The following AKR1C2 variants were observed in gnomAD, a reference collection of about 807,000 sequenced individuals.
AKR1C2 encodes the protein 3-alpha-HSD3.
A neutral mutation model predicts 39.8 loss-of-function variants in AKR1C2; 27 were observed. The ratio of observed to expected loss-of-function variants is 0.68; its 90% CI spans 0.50 to 0.93. The LOEUF is 0.93. Ranked by LOEUF, AKR1C2 falls within the 40% of genes least tolerant of loss-of-function variation. AKR1C2 has a pLI of 0.00. For synonymous variants in AKR1C2, 114 were observed against 137.9 expected, an observed-to-expected ratio of 0.83 and a Z score of 1.22; for missense variants, 263 against 365.1, an observed-to-expected ratio of 0.72 and a Z score of 2.28.
At chr10:5,017,123 C>G (rs1464107483) in intron 1 of AKR1C2, among the ~76,000 whole-genome samples, 1 of 152,210 alleles carries the variant, frequency 6.6e-6, no homozygotes, top group African/African-American at 2.4e-5. Flanking sequence ...TTGAAGGTCT[C>G]TGAAATACCT....
intron 1 of AKR1C2, among the ~76,000 whole-genome samples, chr10:5,012,306 A>G (rs1837540605): frequency 6.6e-6 from 1 of 151,970 alleles, no homozygotes; most frequent in African/African-American, 2.4e-5. Context: ...CTGCCCTGCC[A>G]ATAACTCATG....
intron 1 of AKR1C2, among the ~76,000 whole-genome samples, chr10:5,015,637 G>T (rs1171350803): frequency 6.6e-6 from 1 of 152,124 alleles, no homozygotes; most frequent in African/African-American, 2.4e-5. Context: ...ACAATGTAAG[G>T]TGTTGCAAAC....
At chr10:5,001,813 C>A in intron 1 of AKR1C2, 132 bp from the exon 2 acceptor site, 1 of 1,209,160 alleles carries the variant, frequency 8.3e-7, no homozygotes, top group South Asian at 1.4e-5. Context: ...AATCATAAGC[C>A]CATCCCAGTC....
At chr10:4,998,587 A>C in intron 5 of AKR1C2, 38 bp downstream of exon 5, 1 of 1,611,804 alleles carries the variant, frequency 6.2e-7, no homozygotes, top group Non-Finnish European at 8.5e-7. Flanking sequence ...AAAGAGGGGC[A>C]TGAAGAACAG....
upstream of AKR1C2, among the ~76,000 whole-genome samples, chr10:5,008,574 GGA>G (rs1554774631): frequency 1.1e-4 from 17 of 152,112 alleles, 1 homozygote; most frequent in African/African-American, 4.1e-4. Flanking sequence ...ACTGATCTCA[GGA>G]GACCACAGGA....
intron 5 of AKR1C2, 90 bp from the exon 6 acceptor site, chr10:4,995,955 G>A: frequency 1.4e-6 from 2 of 1,471,448 alleles, no homozygotes; most frequent in South Asian, 1.3e-5. Flanking sequence ...GAATAATGTA[G>A]AGCATTAAAT....
At position 4,991,099 on chromosome 10, in the gene AKR1C2, T is replaced by C. The variant is rs142682693; in HGVS notation, c.929+732A>G. ...CCTAGAACCTTAGAATATAGAGGAA[T>C]AGTAAACGTCTGTTACTGGTTATAA... On this transcript the variant is annotated intron_variant, in intron 8 of 8. Transcript: ENST00000380753. Among the ~76,000 whole-genome samples the C allele has an allele frequency of 3.5e-3, 534 of 151,352 alleles. 4 individuals carry two copies. Among genetic ancestry groups the C allele is most frequent in the Middle Eastern group, 0.01 (3 of 294 alleles).
Position 4,990,622 on chromosome 10 carries a change from G to C in AKR1C2, c.930-584C>G, listed in dbSNP as rs1464174498. On this transcript the variant is annotated intron_variant, in intron 8 of 8. Transcript: ENST00000380753. ...CAATGCATAAACCATTTTATAGGTAGACATAATCCAAAATGTAAAGACACA... is the reference window on the plus strand; with the variant it reads ...CAATGCATAAACCATTTTATAGGTACACATAATCCAAAATGTAAAGACACA... Among the ~76,000 whole-genome samples, 9 of 152,012 alleles carry C rather than the reference G, an allele frequency of 5.9e-5. No homozygotes were observed. In the East Asian group the frequency reaches 1.7e-3, roughly 29 times the overall value.
chr10:4,999,821 A>G, intron 3 of AKR1C2: 3 of 677,808 alleles, frequency 4.4e-6, no homozygotes, highest in Non-Finnish European at 3.7e-6. Context: ...GCCACCAACG[A>G]AAAAGGTTGG....
At chr10:4,990,445 AT>A (rs541903113) in intron 8 of AKR1C2, among the ~76,000 whole-genome samples, 83 of 152,264 alleles carry the variant, frequency 5.5e-4, no homozygotes, top group African/African-American at 1.8e-3. Context: ...CTAATAAACA[AT>A]TTTGAGTGTG....
chr10:4,997,900 T>C (rs1273828963), intron 5 of AKR1C2, among the ~76,000 whole-genome samples: 5 of 152,188 alleles, frequency 3.3e-5, no homozygotes, highest in Non-Finnish European at 7.4e-5. Context: ...ATCTCTAGGC[T>C]ATGAAAGAAC....
intron 1 of AKR1C2, among the ~76,000 whole-genome samples, chr10:5,016,449 A>C (rs1481491624): frequency 6.6e-6 from 1 of 152,238 alleles, no homozygotes; most frequent in Non-Finnish European, 1.5e-5. Context: ...GCAGTCAATA[A>C]ATTTCAAAGC....
intron 1 of AKR1C2, among the ~76,000 whole-genome samples, chr10:5,016,737 C>A (rs1463660260): frequency 6.6e-6 from 1 of 152,142 alleles, no homozygotes; most frequent in Non-Finnish European, 1.5e-5. Flanking sequence ...GAGCTCAAAC[C>A]CCACATTCCC....
chr10:5,000,357 A>T, intron 3 of AKR1C2, 193 bp downstream of exon 3: 3 of 1,544,032 alleles, frequency 1.9e-6, no homozygotes, highest in African/African-American at 1.4e-5. Flanking sequence ...TCTTGTAGAC[A>T]TGCAATCACG....
Position 4,988,012 on chromosome 10 carries a change from T to C in AKR1C2, c.*1984A>G, listed in dbSNP as rs575990883. On this transcript the variant is annotated 3_prime_UTR_variant, in exon 9 of 9. Coordinates refer to ENST00000380753, the MANE Select transcript of AKR1C2 (RefSeq NM_001393392.1). ...TTTATGAAATTCTGAGTAACTTTTT[T>C]TTTTTAACAATAAGAGTTTTATAAA... 6.6e-6 allele frequency: 1 copy of C among 152,134 alleles called. No homozygotes were observed. Among genetic ancestry groups the C allele is most frequent in the Admixed American group, 6.5e-5 (1 of 15,286 alleles). The allele number at this position is 152,134 out of a possible 1,614,324, so 9.4% of individuals were successfully genotyped here.
At chr10:5,008,703 G>A (rs4642971), upstream of AKR1C2, among the ~76,000 whole-genome samples, 3 of 152,204 alleles carry the variant, frequency 2.0e-5, no homozygotes, top group South Asian at 2.1e-4. Context: ...GGATGTCCTT[G>A]AGTCATACAT....
At chr10:5,005,559 T>C (rs1267760551), upstream of AKR1C2, among the ~76,000 whole-genome samples, 2 of 151,886 alleles carry the variant, frequency 1.3e-5, no homozygotes, top group African/African-American at 2.4e-5. Flanking sequence ...GGTGAGCACC[T>C]GTAGTCCCAG....
At position 4,989,693 on chromosome 10, in the gene AKR1C2, C is replaced by G. The variant is rs1361252534; in HGVS notation, c.*303G>C. 12 of 427,532 alleles carry G rather than the reference C, an allele frequency of 2.8e-5. No homozygotes were observed. Among genetic ancestry groups the G allele is most frequent in the Admixed American group, 9.3e-5 (2 of 21,504 alleles). 26.5% of individuals were successfully genotyped at this position (427,532 alleles called of 1,614,324 possible). A position where few individuals can be genotyped will look rare whatever the true frequency, so the allele number is the denominator to read the frequency against. The stretch of plus-strand genomic sequence containing the variant: ...TTGTTAACATCTTCCAACCCCGGCC[C>G]TAAACGTATAGGCAAATCACAATTT... On this transcript the variant is annotated 3_prime_UTR_variant, in exon 9 of 9. Transcript: ENST00000380753.
At chr10:5,016,083 G>GTGGGAACTAGAA (rs1423197627) in intron 1 of AKR1C2, among the ~76,000 whole-genome samples, 1 of 152,154 alleles carries the variant, frequency 6.6e-6, no homozygotes, top group Non-Finnish European at 1.5e-5. Flanking sequence ...TTCCCCAACA[G>GTGGGAACTAGAA]TGGGAACTAG....
Sources: allele counts gnomAD v4.1 joint callset (sites outside exome capture counted in the v4.1 genomes callset), GRCh38; gene constraint gnomAD v4.1.1; transcripts MANE v1.5; gene names NCBI Gene and HGNC (gene_info 2026-07-23, HGNC 2026-07-21).